Variants in DCAF8L2 observed in about 807,000 individuals in gnomAD.
DCAF8L2 encodes the protein DDB1- and CUL4-associated factor 8-like protein 2.
For synonymous variants in DCAF8L2, 200 were observed against 190.9 expected (o/e 1.05, Z -0.39); for missense variants, 430 against 490.7 (o/e 0.88, Z 1.17).
chrX:27,586,520 A>G (rs1212279246), upstream of DCAF8L2, among the ~76,000 whole-genome samples: 1 of 111,304 alleles, frequency 9.0e-6, no homozygotes, highest in Non-Finnish European at 1.9e-5. Flanking sequence ...CTGGACAGCA[A>G]TTCCTCCAGG....
At chrX:27,554,198 A>G in the DCAF8L2 span, among the ~76,000 whole-genome samples, 3 of 112,144 alleles carry the variant, frequency 2.7e-5, no homozygotes, top group Non-Finnish European at 5.6e-5. Flanking sequence ...TGCATTAAAA[A>G]ACTGAAAGAA....
At chrX:27,494,626 T>C in the DCAF8L2 span, among the ~76,000 whole-genome samples, 12 of 111,743 alleles carry the variant, frequency 1.1e-4, no homozygotes, top group African/African-American at 3.9e-4. Context: ...TGTGCATGTG[T>C]GCTTTTAAAA....
the DCAF8L2 span, among the ~76,000 whole-genome samples, chrX:27,584,686 G>A: frequency 5.4e-5 from 6 of 111,631 alleles, 1 homozygote; most frequent in Non-Finnish European, 1.9e-5. Flanking sequence ...ATTATTCTAT[G>A]TAAGGAAGTT....
upstream of DCAF8L2, among the ~76,000 whole-genome samples, chrX:27,589,905 C>T (rs1282714458): frequency 1.1e-4 from 12 of 111,557 alleles, no homozygotes; most frequent in Non-Finnish European, 2.1e-4. Flanking sequence ...CCATATCTAC[C>T]ATTAGTAATA....
the DCAF8L2 span, among the ~76,000 whole-genome samples, chrX:27,546,528 G>A: frequency 8.9e-6 from 1 of 112,241 alleles, no homozygotes; most frequent in Non-Finnish European, 1.9e-5. Flanking sequence ...TGCTGCCCCA[G>A]CAGAAGTTCT....
intron 3 of DCAF8L2, among the ~76,000 whole-genome samples, chrX:27,703,638 A>C (rs1647755528): frequency 9.0e-6 from 1 of 111,220 alleles, no homozygotes. Flanking sequence ...ATTTTCAACA[A>C]ATGGTGCTGG....
At chrX:27,639,809 GAACTTTTCTCATTTT>G (rs1928639035) in intron 2 of DCAF8L2, among the ~76,000 whole-genome samples, 3 of 111,591 alleles carry the variant, frequency 2.7e-5, no homozygotes. Flanking sequence ...ATTTTTCATA[GAACTTTTCTCATTTT>G]TAATCGTAAT....
intron 3 of DCAF8L2, among the ~76,000 whole-genome samples, chrX:27,683,041 T>C (rs762448494): frequency 5.4e-5 from 6 of 111,904 alleles, no homozygotes; most frequent in African/African-American, 1.9e-4. Flanking sequence ...CTAGGCTTCT[T>C]TGAAACTAAT....
intron 1 of DCAF8L2, among the ~76,000 whole-genome samples, chrX:27,630,822 T>TGA (rs946483500): frequency 8.9e-6 from 1 of 112,276 alleles, no homozygotes; most frequent in Non-Finnish European, 1.9e-5. Context: ...CTATGTCTGG[T>TGA]GAGGCCCCGT....
chrX:27,632,238 G>T (rs1928318011), intron 2 of DCAF8L2: 1 of 111,946 alleles, frequency 8.9e-6, no homozygotes, highest in Non-Finnish European at 1.9e-5. Flanking sequence ...CCAATCTCTT[G>T]TAAAGGTATT....
the DCAF8L2 span, among the ~76,000 whole-genome samples, chrX:27,549,373 G>A: frequency 9.3e-6 from 1 of 107,804 alleles, no homozygotes; most frequent in Non-Finnish European, 1.9e-5. Context: ...TTAACTAACT[G>A]CCATTCATAC....
chrX:27,548,967 A>T, the DCAF8L2 span, among the ~76,000 whole-genome samples: 29 of 111,478 alleles, frequency 2.6e-4, no homozygotes, highest in African/African-American at 9.4e-4. Flanking sequence ...TTTCTTTTAC[A>T]CTATATATGT....
At chrX:27,563,712 A>T in the DCAF8L2 span, among the ~76,000 whole-genome samples, 1 of 112,350 alleles carries the variant, frequency 8.9e-6, no homozygotes, top group Non-Finnish European at 1.9e-5. Flanking sequence ...TTCTACCTTA[A>T]ATGGCAGATA....
At chrX:27,653,437 G>T (rs1199404101) in intron 2 of DCAF8L2, among the ~76,000 whole-genome samples, 1 of 110,829 alleles carries the variant, frequency 9.0e-6, no homozygotes, top group Non-Finnish European at 1.9e-5. Context: ...GATCACCTAT[G>T]GTTATTTTTT....
chrX:27,618,361 A>G (rs1249588781), intron 1 of DCAF8L2, among the ~76,000 whole-genome samples: 1 of 111,688 alleles, frequency 9.0e-6, no homozygotes, highest in Non-Finnish European at 1.9e-5. Context: ...TTACAGTGGA[A>G]AAGAAAAAAA....
chrX:27,592,087 C>T (rs1343754416), intron 1 of DCAF8L2, among the ~76,000 whole-genome samples: 2 of 112,562 alleles, frequency 1.8e-5, no homozygotes, highest in African/African-American at 6.5e-5. Flanking sequence ...TGCTGACCAC[C>T]GTGGTGAGAG....
At chrX:27,743,420 CAG>C (rs1921973771) in intron 4 of DCAF8L2, among the ~76,000 whole-genome samples, 1 of 109,996 alleles carries the variant, frequency 9.1e-6, no homozygotes, top group Admixed American at 9.6e-5. Context: ...TTCTTTGAGA[CAG>C]AGTCTCACTC....
the DCAF8L2 span, among the ~76,000 whole-genome samples, chrX:27,488,882 G>A: frequency 5.5e-5 from 6 of 109,818 alleles, no homozygotes; most frequent in South Asian, 2.4e-3. Flanking sequence ...GCCCAGGCTG[G>A]TCTTCAAGCG....
intron 1 of DCAF8L2, among the ~76,000 whole-genome samples, chrX:27,606,357 G>A (rs757952013): frequency 3.3e-4 from 9 of 26,941 alleles, no homozygotes; most frequent in South Asian, 9.2e-4. Flanking sequence ...ATATATCTAG[G>A]AATATATATA....
Sources: allele counts gnomAD v4.1 joint callset (sites outside exome capture counted in the v4.1 genomes callset), GRCh38; gene constraint gnomAD v4.1.1; transcripts MANE v1.5; gene names NCBI Gene and HGNC (gene_info 2026-07-23, HGNC 2026-07-21).